Variants in TBL1XR1 observed in about 807,000 individuals in gnomAD.
The protein encoded by TBL1XR1 is TBL1X/Y related 1.
A neutral mutation model predicts 66.9 loss-of-function variants in TBL1XR1; 5 were observed. The ratio of observed to expected loss-of-function variants is 0.07; its 90% CI spans 0.04 to 0.16. The LOEUF is 0.16. Among genes scored for constraint, TBL1XR1 ranks in the 10% least tolerant of loss-of-function variants. The pLI is 1.00. For synonymous variants in TBL1XR1, 210 were observed against 206.0 expected (o/e 1.02, Z -0.17); for missense variants, 238 against 623.2 (o/e 0.38, Z 6.58).
rs753628965 is a variant in TBL1XR1 at position 177,067,053 on chromosome 3, A to C, written c.-45-2031T>G. Among the ~76,000 whole-genome samples, 68 of 152,314 alleles carry C rather than the reference A, an allele frequency of 4.5e-4. 1 individual carries two copies. The highest frequency in any genetic ancestry group is 3.4e-3 in the Middle Eastern group (1 of 294). Reference sequence around the variant, plus strand: ...GATGTACTATAGTACACTAGATGGTAAATGTTCTGGCAGGACACCTTCCTC... The same window carrying C: ...GATGTACTATAGTACACTAGATGGTCAATGTTCTGGCAGGACACCTTCCTC... On this transcript the variant is annotated intron_variant, in intron 2 of 15. Transcript: ENST00000457928.
At chr3:177,164,579 ACCTCATGATCCACC>A (rs1349401858) in intron 1 of TBL1XR1, among the ~76,000 whole-genome samples, 1 of 151,894 alleles carries the variant, frequency 6.6e-6, no homozygotes, top group Non-Finnish European at 1.5e-5. Flanking sequence ...CAAACTCCTA[ACCTCATGATCCACC>A]CGCCTCGGCC....
intron 1 of TBL1XR1, among the ~76,000 whole-genome samples, chr3:177,151,381 C>T (rs1259445226): frequency 6.6e-6 from 1 of 152,224 alleles, no homozygotes; most frequent in Non-Finnish European, 1.5e-5. Flanking sequence ...CACCAGTCCA[C>T]GGCAGTGGGG....
At chr3:177,144,074 C>G (rs1319071653) in intron 1 of TBL1XR1, among the ~76,000 whole-genome samples, 3 of 151,800 alleles carry the variant, frequency 2.0e-5, no homozygotes, top group African/African-American at 4.8e-5. Flanking sequence ...GGAGAAACCC[C>G]GTCTCTACTA....
intron 2 of TBL1XR1, chr3:177,086,986 T>C (rs1722210268): frequency 6.7e-6 from 1 of 149,266 alleles, no homozygotes; most frequent in Non-Finnish European, 1.5e-5. Flanking sequence ...TGGAAGTGAA[T>C]CATCCTGAAG....
At chr3:177,056,991 T>A (rs1252582694) in intron 3 of TBL1XR1, among the ~76,000 whole-genome samples, 3 of 152,230 alleles carry the variant, frequency 2.0e-5, no homozygotes, top group Non-Finnish European at 4.4e-5. Flanking sequence ...CACTTCTTGC[T>A]TGAGAATTTT....
intron 2 of TBL1XR1, among the ~76,000 whole-genome samples, chr3:177,086,599 T>G (rs1195515986): frequency 6.6e-6 from 1 of 152,144 alleles, no homozygotes; most frequent in African/African-American, 2.4e-5. Flanking sequence ...CTCTCTACTA[T>G]AATTAGAGCC....
Position 177,053,995 on chromosome 3 carries a change from C to CA in TBL1XR1, c.59-78dup, listed in dbSNP as rs1717453811. On this transcript the variant is annotated intron_variant, in intron 3 of 15. Transcript: ENST00000457928. Reference sequence around the variant, plus strand: ...TAAATGACACAGAAAGAAAGATCACCATCATCTTTTCAAATCCCATCCTAC... The same window carrying CA: ...TAAATGACACAGAAAGAAAGATCACCAATCATCTTTTCAAATCCCATCCTAC... The CA allele has an allele frequency of 8.3e-6, 12 of 1,450,086 alleles. No individual in the cohort carries two copies. The East Asian group carries it at 2.7e-4, about 33-fold the overall frequency. 89.8% of individuals were successfully genotyped at this position (1,450,086 alleles called of 1,614,324 possible). A position where few individuals can be genotyped will look rare whatever the true frequency, so the allele number is the denominator to read the frequency against.
chr3:177,192,041 C>T (rs1385855081), intron 1 of TBL1XR1, among the ~76,000 whole-genome samples: 2 of 146,832 alleles, frequency 1.4e-5, no homozygotes, highest in Non-Finnish European at 3.0e-5. Flanking sequence ...TGCAGTGAGC[C>T]GAGATCGCAC....
intron 3 of TBL1XR1, among the ~76,000 whole-genome samples, chr3:177,057,095 A>G (rs1717900649): frequency 6.6e-6 from 1 of 152,144 alleles, no homozygotes; most frequent in African/African-American, 2.4e-5. Context: ...CTCCAGTCTC[A>G]TCTCAATACT....
chr3:177,055,507 T>G (rs902032536), intron 3 of TBL1XR1, among the ~76,000 whole-genome samples: 76 of 143,776 alleles, frequency 5.3e-4, no homozygotes, highest in African/African-American at 1.9e-3. Flanking sequence ...GTTTTCATAG[T>G]TTTCACCTTA....
At chr3:177,141,522 T>C (rs1044652237) in intron 1 of TBL1XR1, among the ~76,000 whole-genome samples, 1 of 152,262 alleles carries the variant, frequency 6.6e-6, no homozygotes, top group Non-Finnish European at 1.5e-5. Context: ...TATTTTTATA[T>C]GCACCTGAAA....
chr3:177,196,070 C>T lies in TBL1XR1; in HGVS notation c.-122+1051G>A, dbSNP rs1042611197. Among the ~76,000 whole-genome samples the T allele has an allele frequency of 2.6e-5, 4 of 152,238 alleles. No homozygotes were observed. The East Asian group carries it at 5.8e-4, about 22-fold the overall frequency. On this transcript the variant is annotated intron_variant, in intron 1 of 15. Coordinates refer to ENST00000457928, the MANE Select transcript of TBL1XR1 (RefSeq NM_024665.7). ...AACCCAAATTTTACATGAAATACAC[C>T]ATTTTCACAACCTAAATTTAATCCC...
chr3:177,039,454 A>T (rs988340147), intron 10 of TBL1XR1, among the ~76,000 whole-genome samples: 1 of 152,216 alleles, frequency 6.6e-6, no homozygotes, highest in African/African-American at 2.4e-5. Context: ...CTTCTAAGCA[A>T]CTTTTGCCAA....
At position 177,099,142 on chromosome 3, in the gene TBL1XR1, G is replaced by A. The variant is rs151133762; in HGVS notation, c.-121-601C>T. On this transcript the variant is annotated intron_variant, in intron 1 of 15. Transcript: ENST00000457928. Reference sequence around the variant, plus strand: ...AGCACTTTGGGAGGCCGAAGCAGGCGGATCACCTGAGGTCAGGAATTCGAG... The same window carrying A: ...AGCACTTTGGGAGGCCGAAGCAGGCAGATCACCTGAGGTCAGGAATTCGAG... 6.3e-3 allele frequency among the ~76,000 whole-genome samples: 960 copies of A among 152,182 alleles called. 8 individuals are homozygous for A. Among genetic ancestry groups the A allele is most frequent in the African/African-American group, 0.022 (898 of 41,544 alleles).
intron 1 of TBL1XR1, among the ~76,000 whole-genome samples, chr3:177,161,373 C>T (rs1560245391): frequency 1.3e-5 from 2 of 152,218 alleles, no homozygotes; most frequent in African/African-American, 2.4e-5. Flanking sequence ...ATTTCCCACA[C>T]ATATCTCACA....
At chr3:177,191,459 G>C (rs1559971160) in intron 1 of TBL1XR1, among the ~76,000 whole-genome samples, 1 of 152,176 alleles carries the variant, frequency 6.6e-6, no homozygotes, top group Non-Finnish European at 1.5e-5. Flanking sequence ...TACTACCTGA[G>C]CCTCAATTTT....
At chr3:177,104,882 A>C (rs933907446) in intron 1 of TBL1XR1, among the ~76,000 whole-genome samples, 16 of 152,226 alleles carry the variant, frequency 1.1e-4, no homozygotes, top group African/African-American at 3.6e-4. Flanking sequence ...AAGTATTTCT[A>C]AATTTTTCTG....
chr3:177,050,371 AAAT>A, intron 6 of TBL1XR1, 104 bp downstream of exon 6: 1 of 1,397,518 alleles, frequency 7.2e-7, no homozygotes, highest in Non-Finnish European at 9.6e-7. Flanking sequence ...TACAGAGACA[AAAT>A]GGCCACAACT....
At chr3:177,156,655 CAT>C (rs1160049163) in intron 1 of TBL1XR1, among the ~76,000 whole-genome samples, 4 of 151,622 alleles carry the variant, frequency 2.6e-5, no homozygotes, top group Admixed American at 6.6e-5. Context: ...TACATGAGGA[CAT>C]ATGACCCAAA....
Sources: allele counts gnomAD v4.1 joint callset (sites outside exome capture counted in the v4.1 genomes callset), GRCh38; gene constraint gnomAD v4.1.1; transcripts MANE v1.5; gene names NCBI Gene and HGNC (gene_info 2026-07-23, HGNC 2026-07-21).